PCCA: variants seen among roughly 807,000 people sequenced by gnomAD.
The protein encoded by PCCA is propionyl-CoA carboxylase subunit alpha.
PCCA carries 74 observed loss-of-function variants against 101.3 expected under a neutral mutation model. That is an observed-to-expected ratio of 0.73 (90% confidence interval 0.61 to 0.89). The LOEUF (loss-of-function observed/expected upper bound fraction) is 0.89. PCCA is among the 40% of genes least tolerant of loss of function. PCCA has a pLI of 0.00. For synonymous variants in PCCA, 294 were observed against 313.6 expected (o/e 0.94, Z 0.66); for missense variants, 891 against 907.0 (o/e 0.98, Z 0.23).
chr13:100,471,244 C>T (rs758652970), intron 21 of PCCA, among the ~76,000 whole-genome samples: 7 of 152,124 alleles, frequency 4.6e-5, no homozygotes, highest in African/African-American at 9.7e-5. Context: ...ACACACACAA[C>T]GTTTATTATA....
intron 7 of PCCA, among the ~76,000 whole-genome samples, chr13:100,218,295 C>T (rs565562299): frequency 6.6e-6 from 1 of 151,776 alleles, no homozygotes; most frequent in Admixed American, 6.5e-5. Context: ...CCTCAGTCTC[C>T]CAAGTAGCTG....
rs1211666368 is a variant in PCCA, at chr13:100,453,625, T to C, written c.1899+4320T>C. On this transcript the variant is annotated intron_variant, in intron 21 of 23. Coordinates refer to ENST00000376285, the MANE Select transcript of PCCA (RefSeq NM_000282.4). Reference sequence around the variant, plus strand: ...CACTTGACTTCCCCAAGGTTTCACGTCTGGCTGGTGTGTAGAGCACTAAAG... The same window carrying C: ...CACTTGACTTCCCCAAGGTTTCACGCCTGGCTGGTGTGTAGAGCACTAAAG... 2.0e-5 allele frequency among the ~76,000 whole-genome samples: 3 copies of C among 152,178 alleles called. No individual in the cohort carries two copies. In the East Asian group the frequency reaches 5.8e-4, roughly 29 times the overall value.
intron 19 of PCCA, among the ~76,000 whole-genome samples, chr13:100,398,246 A>C: frequency 6.6e-6 from 1 of 152,186 alleles, no homozygotes; most frequent in East Asian, 1.9e-4. Context: ...TATTTTAACC[A>C]AAATTTTAAT....
intron 14 of PCCA, among the ~76,000 whole-genome samples, chr13:100,303,263 A>G (rs543512136): frequency 1.3e-5 from 2 of 152,182 alleles, no homozygotes; most frequent in African/African-American, 4.8e-5. Context: ...CGAAAATTAT[A>G]ATAAAAAAGG....
intron 7 of PCCA, among the ~76,000 whole-genome samples, chr13:100,234,847 T>C (rs2060691252): frequency 6.6e-6 from 1 of 151,952 alleles, no homozygotes; most frequent in African/African-American, 2.4e-5. Context: ...CAAAACAATA[T>C]TGTCAGTCTT....
chr13:100,164,199 C>T (rs2054796563), intron 6 of PCCA, among the ~76,000 whole-genome samples: 1 of 152,000 alleles, frequency 6.6e-6, no homozygotes, highest in Non-Finnish European at 1.5e-5. Context: ...ATTTGAGAAT[C>T]ACAGAATTGG....
At chr13:100,340,301 T>C (rs778446195) in intron 18 of PCCA, 42 bp downstream of exon 18, 2 of 993,612 alleles carry the variant, frequency 2.0e-6, no homozygotes, top group South Asian at 2.5e-5. Context: ...AGCAGAACAA[T>C]ATTGATAATC....
intron 16 of PCCA, 40 bp from the exon 17 acceptor site, chr13:100,330,521 T>C (rs756382891): frequency 1.6e-6 from 2 of 1,212,686 alleles, no homozygotes. Flanking sequence ...AATTTTTCAC[T>C]GATTCATTGT....
At chr13:100,263,689 AG>A (rs2062683172) in intron 10 of PCCA, among the ~76,000 whole-genome samples, 2 of 152,172 alleles carry the variant, frequency 1.3e-5, no homozygotes, top group Non-Finnish European at 2.9e-5. Flanking sequence ...CATTGAACAC[AG>A]TTTCTTTCTG....
intron 4 of PCCA, among the ~76,000 whole-genome samples, chr13:100,150,178 C>T (rs1358490807): frequency 6.6e-6 from 1 of 151,978 alleles, no homozygotes; most frequent in Non-Finnish European, 1.5e-5. Flanking sequence ...CAGGCATGCA[C>T]CATTACGCCC....
At chr13:100,225,864 C>T (rs1425482027) in intron 7 of PCCA, among the ~76,000 whole-genome samples, 1 of 152,062 alleles carries the variant, frequency 6.6e-6, no homozygotes, top group Non-Finnish European at 1.5e-5. Flanking sequence ...GATCTTGGCT[C>T]ACTGAAAAGC....
chr13:100,379,830 CAT>C (rs1014065761), intron 19 of PCCA, among the ~76,000 whole-genome samples: 2 of 152,308 alleles, frequency 1.3e-5, no homozygotes, highest in South Asian at 2.1e-4. Context: ...CCTTCCCACA[CAT>C]GTGGGAATTA....
intron 2 of PCCA, among the ~76,000 whole-genome samples, chr13:100,110,929 C>T (rs1249302783): frequency 6.6e-6 from 1 of 152,012 alleles, no homozygotes. Context: ...CCTCAGCCTC[C>T]CAAGTAGCTG....
chr13:100,306,643 G>C (rs2066477518), intron 14 of PCCA, among the ~76,000 whole-genome samples: 1 of 149,860 alleles, frequency 6.7e-6, no homozygotes, highest in African/African-American at 2.5e-5. Context: ...ACTCTAATTG[G>C]GGCTTTACAA....
At chr13:100,332,255 T>G (rs927395481) in intron 17 of PCCA, among the ~76,000 whole-genome samples, 1 of 152,198 alleles carries the variant, frequency 6.6e-6, no homozygotes, top group Non-Finnish European at 1.5e-5. Flanking sequence ...TGGATATTTT[T>G]AATCATTTAT....
intron 21 of PCCA, among the ~76,000 whole-genome samples, chr13:100,489,360 G>A (rs1351374378): frequency 6.6e-6 from 1 of 152,176 alleles, no homozygotes; most frequent in Non-Finnish European, 1.5e-5. Flanking sequence ...TGTATGTACT[G>A]TCAGTGGCTG....
At chr13:100,314,480 G>A (rs2067177119) in intron 16 of PCCA, among the ~76,000 whole-genome samples, 1 of 152,116 alleles carries the variant, frequency 6.6e-6, no homozygotes, top group Non-Finnish European at 1.5e-5. Flanking sequence ...TGGGGGTGGG[G>A]CTGAAAGTTC....
Position 100,367,729 on chromosome 13 carries a change from C to T in PCCA, c.1644-743C>T, listed in dbSNP as rs1368004195. Among the ~76,000 whole-genome samples, 4 of 147,696 alleles carry T rather than the reference C, an allele frequency of 2.7e-5. No homozygotes were observed. In the East Asian group the frequency reaches 5.9e-4, roughly 22 times the overall value. ...ATCCCAGCACTTTGGGAAGCCGAGG[C>T]GGGTGGATCATGAGGTCAGGAGTTC... On this transcript the variant is annotated intron_variant, in intron 18 of 23. Transcript: ENST00000376285.
intron 16 of PCCA, among the ~76,000 whole-genome samples, chr13:100,325,226 A>G (rs2068531190): frequency 6.6e-6 from 1 of 152,128 alleles, no homozygotes. Context: ...TTATGTGGGT[A>G]CAGGATTACT....
Sources: allele counts gnomAD v4.1 joint callset (sites outside exome capture counted in the v4.1 genomes callset), GRCh38; gene constraint gnomAD v4.1.1; transcripts MANE v1.5; gene names NCBI Gene and HGNC (gene_info 2026-07-23, HGNC 2026-07-21).